The following KHDRBS2 variants were observed in gnomAD, a reference collection of about 807,000 sequenced individuals.
KHDRBS2 encodes KH domain-containing, RNA-binding, signal transduction-associated protein 2.
A neutral mutation model predicts 44.3 loss-of-function variants in KHDRBS2; 26 were observed. The ratio of observed to expected loss-of-function variants is 0.59; its 90% confidence interval spans 0.43 to 0.81. The LOEUF (loss-of-function observed/expected upper bound fraction) is 0.81. KHDRBS2 is among the 40% of genes least tolerant of loss of function. The pLI, the probability that KHDRBS2 is intolerant of heterozygous loss-of-function variation, is 0.00. For missense variants in KHDRBS2, 476 were observed against 433.1 expected, an observed-to-expected ratio of 1.10 and a Z score of -0.88; for synonymous variants, 194 against 151.1, an observed-to-expected ratio of 1.28 and a Z score of -2.08.
intron 4 of KHDRBS2, among the ~76,000 whole-genome samples, chr6:61,906,361 A>G (rs1465963840): frequency 6.6e-6 from 1 of 152,090 alleles, no homozygotes; most frequent in Non-Finnish European, 1.5e-5. Context: ...TGGGGTATCT[A>G]TCACCTCAAG....
chr6:61,895,261 G>A (rs1285174464), intron 5 of KHDRBS2, among the ~76,000 whole-genome samples: 1 of 151,946 alleles, frequency 6.6e-6, no homozygotes, highest in Non-Finnish European at 1.5e-5. Flanking sequence ...GGTTTCAGAT[G>A]TCTGCATCTC....
chr6:61,808,442 T>G (rs1456281521), intron 6 of KHDRBS2, among the ~76,000 whole-genome samples: 1 of 152,118 alleles, frequency 6.6e-6, no homozygotes, highest in Non-Finnish European at 1.5e-5. Flanking sequence ...TTAAATACAT[T>G]TATTACTAGA....
the KHDRBS2 span, among the ~76,000 whole-genome samples, chr6:61,627,682 T>A: frequency 6.6e-6 from 1 of 152,232 alleles, no homozygotes; most frequent in Non-Finnish European, 1.5e-5. Context: ...TACACATTGA[T>A]GTGCCAAGTG....
chr6:61,905,638 TAGAG>T (rs2127346733), intron 4 of KHDRBS2, among the ~76,000 whole-genome samples: 1 of 152,284 alleles, frequency 6.6e-6, no homozygotes, highest in East Asian at 1.9e-4. Context: ...AAATTATGTA[TAGAG>T]ACAGAACTTT....
At chr6:61,848,518 T>C (rs1309145590) in intron 6 of KHDRBS2, among the ~76,000 whole-genome samples, 1,056 of 45,858 alleles carry the variant, frequency 0.023, 55 homozygotes, top group African/African-American at 0.072. Context: ...TATGTATATA[T>C]GTATATATAT....
intron 4 of KHDRBS2, among the ~76,000 whole-genome samples, chr6:61,955,321 CGT>C (rs1491235599): frequency 7.4e-6 from 1 of 134,552 alleles, no homozygotes; most frequent in African/African-American, 2.7e-5. Context: ...TATACATATA[CGT>C]GTATATATAC....
intron 6 of KHDRBS2, among the ~76,000 whole-genome samples, chr6:61,775,610 A>C (rs1285557212): frequency 6.6e-6 from 1 of 152,126 alleles, no homozygotes; most frequent in Non-Finnish European, 1.5e-5. Flanking sequence ...TCTTCAAGGA[A>C]AACTACAAAC....
chr6:62,123,746 T>C (rs1257640386), intron 2 of KHDRBS2, among the ~76,000 whole-genome samples: 6 of 152,202 alleles, frequency 3.9e-5, no homozygotes, highest in African/African-American at 1.2e-4. Context: ...TGAGATGCAT[T>C]TTATATGATT....
At chr6:61,592,604 C>T in the KHDRBS2 span, among the ~76,000 whole-genome samples, 1 of 152,144 alleles carries the variant, frequency 6.6e-6, no homozygotes, top group South Asian at 2.1e-4. Flanking sequence ...CTTTTCAAGG[C>T]TATTCCTGTC....
At chr6:62,190,448 G>A (rs1050677990) in intron 1 of KHDRBS2, among the ~76,000 whole-genome samples, 1 of 152,018 alleles carries the variant, frequency 6.6e-6, no homozygotes, top group African/African-American at 2.4e-5. Context: ...CAGTACTGCA[G>A]TTCCTTCAAC....
intron 2 of KHDRBS2, among the ~76,000 whole-genome samples, chr6:62,149,635 CT>C (rs372322475): frequency 3.8e-4 from 58 of 151,320 alleles, no homozygotes; most frequent in African/African-American, 1.4e-3. Context: ...AATAGGTTAA[CT>C]TCTGAATAAA....
chr6:61,666,435 G>C, the KHDRBS2 span, among the ~76,000 whole-genome samples: 3 of 151,276 alleles, frequency 2.0e-5, no homozygotes, highest in African/African-American at 7.3e-5. Context: ...GAGAATAGGT[G>C]GTGGGGGAAA....
At chr6:61,754,605 T>C (rs1189221704) in intron 6 of KHDRBS2, among the ~76,000 whole-genome samples, 1 of 151,178 alleles carries the variant, frequency 6.6e-6, no homozygotes, top group African/African-American at 2.4e-5. Flanking sequence ...CCCTTGATTC[T>C]CCACCTTACA....
At chr6:61,579,645 A>C in the KHDRBS2 span, among the ~76,000 whole-genome samples, 6 of 152,192 alleles carry the variant, frequency 3.9e-5, no homozygotes, top group African/African-American at 2.4e-5. Context: ...AAGAAAATGC[A>C]AAATTTGTGT....
intron 1 of KHDRBS2, among the ~76,000 whole-genome samples, chr6:62,210,251 G>A (rs1828791301): frequency 2.0e-5 from 3 of 150,736 alleles, no homozygotes; most frequent in African/African-American, 7.3e-5. Context: ...GTTCTGATAA[G>A]CAGAAATAAT....
chr6:61,995,449 A>G (rs530722438), intron 3 of KHDRBS2, among the ~76,000 whole-genome samples: 1 of 152,340 alleles, frequency 6.6e-6, no homozygotes, highest in South Asian at 2.1e-4. Context: ...GGATTTAAAA[A>G]TGAGCAGGGA....
chr6:61,901,202 C>T lies in KHDRBS2; in HGVS notation c.611+42G>A, dbSNP rs1157379167. 5.0e-6 allele frequency: 8 copies of T among 1,593,648 alleles called. No individual in the cohort carries two copies. In the Admixed American group the frequency reaches 1.1e-4, roughly 21 times the overall value. On this transcript the variant is annotated intron_variant, in intron 5 of 8. Transcript: ENST00000281156. ...TGACATAAAGCAGGACAAAAAAGGC[C>T]TGCCATCATCCTTAATTTATTTAAA...
intron 6 of KHDRBS2, chr6:61,816,773 A>G: frequency 2.7e-6 from 1 of 371,802 alleles, no homozygotes; most frequent in Non-Finnish European, 5.4e-6. Context: ...AACTCACCAT[A>G]TTCATTCAAG....
At chr6:61,784,985 C>T (rs1045925117) in intron 6 of KHDRBS2, among the ~76,000 whole-genome samples, 5 of 151,866 alleles carry the variant, frequency 3.3e-5, no homozygotes, top group African/African-American at 1.2e-4. Context: ...TCTGTCTCTA[C>T]AAAAAATACA....
Sources: allele counts gnomAD v4.1 joint callset (sites outside exome capture counted in the v4.1 genomes callset), GRCh38; gene constraint gnomAD v4.1.1; transcripts MANE v1.5; gene names NCBI Gene and HGNC (gene_info 2026-07-23, HGNC 2026-07-21).